Variants in ARPP21 observed in about 807,000 individuals in gnomAD.
ARPP21 encodes the protein cAMP regulated phosphoprotein 21, also known as cAMP-regulated phosphoprotein 21.
Under a neutral mutation model 113.2 loss-of-function variants are expected in ARPP21, and 69 were observed. That is an observed-to-expected ratio of 0.61 (90% CI 0.50 to 0.74). The LOEUF (loss-of-function observed/expected upper bound fraction) is 0.74. Among genes scored for constraint, ARPP21 ranks in the 30% least tolerant of loss-of-function variants. The probability of loss-of-function intolerance (pLI) is 0.00; values close to 1 mark genes in which losing one functional copy is unlikely to be tolerated. For missense variants in ARPP21, 1,070 were observed against 1,037.4 expected (o/e 1.03, Z -0.43); for synonymous variants, 368 against 375.5 (o/e 0.98, Z 0.23).
intron 15 of ARPP21, among the ~76,000 whole-genome samples, chr3:35,734,732 C>T (rs1185823817): frequency 6.6e-6 from 1 of 152,208 alleles, no homozygotes; most frequent in East Asian, 1.9e-4. Context: ...TACGAGTGAG[C>T]ATGTTGTTTG....
At chr3:35,727,341 C>A (rs2093612226) in intron 14 of ARPP21, among the ~76,000 whole-genome samples, 1 of 152,208 alleles carries the variant, frequency 6.6e-6, no homozygotes, top group Non-Finnish European at 1.5e-5. Flanking sequence ...TCTAGCTGAC[C>A]TGAATTACCT....
chr3:35,700,329 A>G (rs139790567), intron 9 of ARPP21, among the ~76,000 whole-genome samples: 3 of 151,886 alleles, frequency 2.0e-5, no homozygotes, highest in Non-Finnish European at 2.9e-5. Flanking sequence ...TATTTTAGCT[A>G]TTGAAACTAT....
intron 19 of ARPP21, among the ~76,000 whole-genome samples, chr3:35,755,030 T>A (rs965493840): frequency 6.6e-6 from 1 of 152,114 alleles, no homozygotes; most frequent in Admixed American, 6.6e-5. Flanking sequence ...GCTCTAGCAT[T>A]TCTTTGCAGT....
intron 12 of ARPP21, among the ~76,000 whole-genome samples, chr3:35,716,219 C>T (rs984533126): frequency 3.3e-5 from 5 of 151,990 alleles, no homozygotes; most frequent in Non-Finnish European, 5.9e-5. Context: ...AAATTAACTG[C>T]ACTAATCACA....
At chr3:35,662,204 C>G (rs1031391056) in intron 1 of ARPP21, among the ~76,000 whole-genome samples, 7 of 152,014 alleles carry the variant, frequency 4.6e-5, no homozygotes, top group African/African-American at 1.5e-4. Flanking sequence ...CTTAGCAGTA[C>G]CAATTGGCAT....
chr3:35,790,453 A>G (rs1300118240), intron 19 of ARPP21, among the ~76,000 whole-genome samples: 1 of 152,232 alleles, frequency 6.6e-6, no homozygotes, highest in Non-Finnish European at 1.5e-5. Context: ...GGGCAATTGG[A>G]TGTATGAATC....
intron 1 of ARPP21, among the ~76,000 whole-genome samples, chr3:35,668,834 C>A (rs1008899078): frequency 2.6e-5 from 4 of 152,068 alleles, no homozygotes; most frequent in African/African-American, 9.7e-5. Flanking sequence ...TCTTTACTTT[C>A]TTTATATCTT....
chr3:35,717,690 C>T (rs984190030), intron 13 of ARPP21, among the ~76,000 whole-genome samples: 1 of 152,072 alleles, frequency 6.6e-6, no homozygotes, highest in African/African-American at 2.4e-5. Context: ...TGCAATTGTA[C>T]ATACATTCTC....
chr3:35,695,439 C>T (rs1464702161), intron 9 of ARPP21, among the ~76,000 whole-genome samples: 1 of 151,438 alleles, frequency 6.6e-6, no homozygotes, highest in Admixed American at 6.6e-5. Flanking sequence ...TGTCCTCAAA[C>T]GTTTTACACT....
intron 5 of ARPP21, chr3:35,685,560 G>A: frequency 1.0e-6 from 1 of 984,582 alleles, no homozygotes; most frequent in Non-Finnish European, 1.2e-6. Context: ...GATGTATACA[G>A]TATATGGATT....
intron 19 of ARPP21, among the ~76,000 whole-genome samples, chr3:35,765,082 A>T (rs2095914494): frequency 6.6e-6 from 1 of 152,148 alleles, no homozygotes; most frequent in African/African-American, 2.4e-5. Context: ...ATTTTAAATC[A>T]AAATTATCCG....
At chr3:35,647,378 G>A (rs1357792313) in intron 1 of ARPP21, among the ~76,000 whole-genome samples, 1 of 152,134 alleles carries the variant, frequency 6.6e-6, no homozygotes, top group Non-Finnish European at 1.5e-5. Flanking sequence ...AGACAGAGAT[G>A]TTTTGAATTC....
At chr3:35,766,042 T>C (rs910332361) in intron 19 of ARPP21, among the ~76,000 whole-genome samples, 2 of 152,262 alleles carry the variant, frequency 1.3e-5, no homozygotes, top group East Asian at 3.9e-4. Flanking sequence ...AAATGAGCAC[T>C]GATTCTGAAA....
At chr3:35,715,764 A>G (rs1468465519) in intron 12 of ARPP21, 32 of 222,986 alleles carry the variant, frequency 1.4e-4, no homozygotes, top group Non-Finnish European at 2.7e-5. Flanking sequence ...TACCTTCACC[A>G]GGCATTAAGA....
intron 15 of ARPP21, among the ~76,000 whole-genome samples, chr3:35,734,570 C>A (rs1340543843): frequency 6.6e-6 from 1 of 152,194 alleles, no homozygotes; most frequent in Non-Finnish European, 1.5e-5. Flanking sequence ...TGAAACAGAT[C>A]AGAATTTAGA....
chr3:35,719,509 C>T (rs9824036), intron 13 of ARPP21, among the ~76,000 whole-genome samples: 2,938 of 152,190 alleles, frequency 0.019, 99 homozygotes, highest in African/African-American at 0.067. Flanking sequence ...ACTAGCTCTA[C>T]CAGGGAGAAG....
intron 19 of ARPP21, among the ~76,000 whole-genome samples, chr3:35,778,627 C>T (rs2096447318): frequency 6.6e-6 from 1 of 152,148 alleles, no homozygotes; most frequent in Non-Finnish European, 1.5e-5. Flanking sequence ...TTGTTAAAAC[C>T]TCTTCAATTG....
chr3:35,790,660 G>A (rs2096730107), intron 19 of ARPP21, among the ~76,000 whole-genome samples: 1 of 152,140 alleles, frequency 6.6e-6, no homozygotes, highest in Admixed American at 6.5e-5. Context: ...AAACACTGTA[G>A]GTATGCAGAA....
intron 5 of ARPP21, chr3:35,685,344 A>G (rs529664586): frequency 1.3e-5 from 13 of 985,358 alleles, no homozygotes; most frequent in Admixed American, 1.2e-4. Context: ...GGAGAGAATG[A>G]GAGCCTGCAA....
Sources: allele counts gnomAD v4.1 joint callset (sites outside exome capture counted in the v4.1 genomes callset), GRCh38; gene constraint gnomAD v4.1.1; transcripts MANE v1.5; gene names NCBI Gene and HGNC (gene_info 2026-07-23, HGNC 2026-07-21).